Variants in TTLL5 observed in about 807,000 individuals in gnomAD.
TTLL5 encodes the protein tubulin tyrosine ligase like 5, also known as tubulin polyglutamylase TTLL5.
TTLL5 carries 132 observed loss-of-function variants against 168.4 expected under a neutral mutation model. That is an observed-to-expected ratio of 0.78 (90% CI 0.68 to 0.91). TTLL5 has a LOEUF of 0.91. Ranked by LOEUF, TTLL5 falls within the 40% of genes least tolerant of loss-of-function variation. The pLI is 0.00. For synonymous variants in TTLL5, 546 were observed against 558.6 expected (o/e 0.98, Z 0.32); for missense variants, 1,545 against 1,581.5 (o/e 0.98, Z 0.39).
chr14:75,758,564 G>T (rs1185628552), intron 18 of TTLL5, among the ~76,000 whole-genome samples: 2 of 152,032 alleles, frequency 1.3e-5, no homozygotes, highest in Non-Finnish European at 2.9e-5. Context: ...TCATTTTTTG[G>T]CACTCATTTT....
intron 28 of TTLL5, among the ~76,000 whole-genome samples, chr14:75,852,687 T>C (rs1896925057): frequency 1.3e-5 from 2 of 152,210 alleles, no homozygotes; most frequent in South Asian, 4.1e-4. Flanking sequence ...TCTTTAGTAT[T>C]ATAATTTTTA....
At chr14:75,779,451 G>T in intron 23 of TTLL5, 124 bp from the exon 24 acceptor site, 1 of 1,380,670 alleles carries the variant, frequency 7.2e-7, no homozygotes, top group Admixed American at 2.3e-5. Context: ...TATTAATAGG[G>T]AATTTTCAGC....
intron 12 of TTLL5, among the ~76,000 whole-genome samples, chr14:75,725,209 A>G (rs566787437): frequency 4.1e-4 from 63 of 152,350 alleles, no homozygotes; most frequent in African/African-American, 1.5e-3. Flanking sequence ...AGGTTCTTAT[A>G]GGGAGGATGT....
chr14:75,900,340 G>A (rs118084706), intron 30 of TTLL5, among the ~76,000 whole-genome samples: 1,970 of 152,270 alleles, frequency 0.013, 27 homozygotes, highest in Non-Finnish European at 0.022. Flanking sequence ...GGGGCTATGA[G>A]ACAGTCTGAT....
intron 5 of TTLL5, chr14:75,684,588 G>C (rs2140124819): frequency 6.6e-6 from 1 of 152,240 alleles, no homozygotes; most frequent in South Asian, 2.1e-4. Context: ...AGCGTCATTG[G>C]TGTTTGGATG....
At chr14:75,676,407 C>A (rs1364503129) in intron 3 of TTLL5, among the ~76,000 whole-genome samples, 2 of 152,180 alleles carry the variant, frequency 1.3e-5, no homozygotes, top group Non-Finnish European at 2.9e-5. Flanking sequence ...GAGTGACAGA[C>A]CACATCTGCA....
At chr14:75,734,186 A>G in intron 14 of TTLL5, 136 bp downstream of exon 14, 4 of 787,902 alleles carry the variant, frequency 5.1e-6, no homozygotes. Context: ...TTATATTTTC[A>G]GGGAAATGTT....
chr14:75,688,761 T>C (rs1015528565), intron 5 of TTLL5, among the ~76,000 whole-genome samples: 1 of 152,162 alleles, frequency 6.6e-6, no homozygotes, highest in Admixed American at 6.5e-5. Flanking sequence ...ACACATTTGG[T>C]GTCTAAAGTG....
At chr14:75,791,557 A>T (rs184397309) in intron 26 of TTLL5, among the ~76,000 whole-genome samples, 16 of 151,860 alleles carry the variant, frequency 1.1e-4, no homozygotes, top group African/African-American at 1.7e-4. Context: ...TTTTTTTTTT[A>T]AAAGAATGTT....
At chr14:75,726,947 G>A (rs1888223378) in intron 12 of TTLL5, among the ~76,000 whole-genome samples, 1 of 152,142 alleles carries the variant, frequency 6.6e-6, no homozygotes, top group African/African-American at 2.4e-5. Context: ...AATATTACTA[G>A]CAATGACTGA....
chr14:75,863,734 G>T lies in TTLL5; in HGVS notation c.3394G>T (p.Gly1132Trp). 1 of 1,613,706 alleles carries T rather than the reference G, an allele frequency of 6.2e-7. No homozygotes were observed. Among genetic ancestry groups the T allele is most frequent in the Non-Finnish European group, 8.5e-7 (1 of 1,179,904 alleles). Reference sequence around the variant, plus strand: ...AAACAACGTGTACAGCCAGGCTACAGGGGTGGTCCCCCAGCACAAGTATCA... The same window carrying T: ...AAACAACGTGTACAGCCAGGCTACATGGGTGGTCCCCCAGCACAAGTATCA... The part of the protein sequence containing the change: ...VENNVYSQAT[G>W]VVPQHKYHPT... The change falls in exon 29 of 32, where the codon GGG becomes TGG. Residue 1132 changes from glycine (G) to tryptophan (W), a missense_variant. Coordinates refer to ENST00000298832, the MANE Select transcript of TTLL5 (RefSeq NM_015072.5).
chr14:75,809,389 G>A lies in TTLL5; in HGVS notation c.3172-10618G>A, dbSNP rs151000705. On this transcript the variant is annotated intron_variant, in intron 27 of 31. Transcript: ENST00000298832. ...TTATACATTCTTTATATATTTCAGT[G>A]ATAGCCCCACATTAGGCTGTAATCT... Among the ~76,000 whole-genome samples the A allele has an allele frequency of 6.8e-3, 1,035 of 152,230 alleles. 7 individuals are homozygous for A. The highest frequency in any genetic ancestry group is 0.011 in the Non-Finnish European group (734 of 68,016).
chr14:75,666,986 C>G (rs74067126), intron 2 of TTLL5, among the ~76,000 whole-genome samples: 2 of 151,998 alleles, frequency 1.3e-5, no homozygotes, highest in African/African-American at 4.8e-5. Context: ...TTTTCAGTTT[C>G]CTAATCATTC....
intron 29 of TTLL5, among the ~76,000 whole-genome samples, chr14:75,871,609 A>T (rs926120528): frequency 6.6e-6 from 1 of 151,096 alleles, no homozygotes; most frequent in Non-Finnish European, 1.5e-5. Context: ...AAGATTCAGA[A>T]CTCAGCTTGG....
chr14:75,733,926 A>G, intron 13 of TTLL5, 63 bp from the exon 14 acceptor site: 4 of 1,511,116 alleles, frequency 2.6e-6, no homozygotes, highest in Non-Finnish European at 2.8e-6. Context: ...GACCCATCAG[A>G]GGGCGGCTAT....
At chr14:75,730,101 A>G (rs1430418179) in intron 12 of TTLL5, among the ~76,000 whole-genome samples, 4 of 152,220 alleles carry the variant, frequency 2.6e-5, no homozygotes, top group African/African-American at 7.2e-5. Context: ...AAACAGTTGA[A>G]TCCTGTGCTT....
At chr14:75,697,682 A>G (rs891324415) in intron 6 of TTLL5, among the ~76,000 whole-genome samples, 12 of 152,298 alleles carry the variant, frequency 7.9e-5, no homozygotes, top group East Asian at 5.8e-4. Flanking sequence ...CCTGCCTGGT[A>G]TAGGCCCAAA....
intron 7 of TTLL5, among the ~76,000 whole-genome samples, chr14:75,699,534 G>A (rs2140155840): frequency 6.6e-6 from 1 of 152,306 alleles, no homozygotes; most frequent in South Asian, 2.1e-4. Context: ...GCAGAAAAGA[G>A]GTACCTTTTC....
chr14:75,949,480 G>A (rs2034887556), intron 31 of TTLL5, among the ~76,000 whole-genome samples: 1 of 144,830 alleles, frequency 6.9e-6, no homozygotes, highest in Admixed American at 7.0e-5. Context: ...CTTATATAAA[G>A]AATATATATA....
Sources: gnomAD v4.1 joint callset for allele counts (sites outside exome capture counted in the v4.1 genomes callset) on GRCh38, gnomAD v4.1.1 for gene constraint, MANE v1.5 for transcripts, NCBI Gene and HGNC (gene_info 2026-07-23, HGNC 2026-07-21) for gene names.